Variants in TSC22D2 observed in about 807,000 individuals in gnomAD.
TSC22D2 encodes TSC22 domain family protein 2.
TSC22D2 carries 5 observed loss-of-function variants against 50.1 expected under a neutral mutation model. The ratio of observed to expected loss-of-function variants is 0.10; its 90% CI spans 0.05 to 0.21. The LOEUF is 0.21. Among genes scored for constraint, TSC22D2 ranks in the 10% least tolerant of loss-of-function variants. The probability of loss-of-function intolerance (pLI) is 1.00; values close to 1 mark genes in which losing one functional copy is unlikely to be tolerated. For missense variants in TSC22D2, 1,003 were observed against 1,015.5 expected (o/e 0.99, Z 0.17); for synonymous variants, 501 against 450.1 (o/e 1.11, Z -1.43).
chr3:150,409,302 A>G lies in TSC22D2; in HGVS notation c.-49A>G, dbSNP rs778061220. ...TGCTCTGCCCTCCCCGGTTTCCGACAGGACCCAGAGGAGCCGGCGTGCCTC... is the reference window on the plus strand; with the variant it reads ...TGCTCTGCCCTCCCCGGTTTCCGACGGGACCCAGAGGAGCCGGCGTGCCTC... On this transcript the variant is annotated 5_prime_UTR_variant, in exon 1 of 3. Transcript: ENST00000688009. This position sits in a 1 kb window ranked among gnomAD's most constrained non-coding sequence, Gnocchi z 7.4. 4 of 1,531,516 alleles carry G rather than the reference A, an allele frequency of 2.6e-6. No individual in the cohort carries two copies. The Admixed American group carries it at 6.0e-5, about 23-fold the overall frequency. The allele number at this position is 1,531,516 out of a possible 1,614,324, so 94.9% of individuals were successfully genotyped here.
chr3:150,438,102 T>C (rs1239041745), intron 1 of TSC22D2: 4 of 246,762 alleles, frequency 1.6e-5, no homozygotes, highest in Non-Finnish European at 2.6e-5. Context: ...GTACAAAATA[T>C]CAGTTGTATA....
At chr3:150,413,547 G>A (rs1419411183) in intron 1 of TSC22D2, among the ~76,000 whole-genome samples, 2 of 144,538 alleles carry the variant, frequency 1.4e-5, no homozygotes, top group Non-Finnish European at 3.0e-5. Flanking sequence ...AAATAGTTGG[G>A]TTTTTTGTTT....
At position 150,411,036 on chromosome 3, in the gene TSC22D2, G is replaced by A. The variant is rs765142580; in HGVS notation, c.1686G>A (p.Ala562=). 6 of 1,614,006 alleles carry A rather than the reference G, an allele frequency of 3.7e-6. No homozygotes were observed. Among genetic ancestry groups the A allele is most frequent in the African/African-American group, 1.3e-5 (1 of 74,904 alleles). The part of the protein sequence containing the change: ...SIIQHVGLPL[A]PGTHSAPTSL... ...TCCAGCATGTTGGGCTGCCCTTAGC[G>A]CCAGGCACACACAGCGCACCAACAA... The change falls in exon 1 of 3, where the codon GCG becomes GCA. Residue 562 remains alanine, a synonymous_variant. Transcript: ENST00000688009.
chr3:150,423,100 A>G, intron 1 of TSC22D2: 1 of 1,612,842 alleles, frequency 6.2e-7, no homozygotes, highest in Non-Finnish European at 8.5e-7. Flanking sequence ...CGTTAAAGGA[A>G]TCAAAGAGCC....
intron 1 of TSC22D2, among the ~76,000 whole-genome samples, chr3:150,443,542 A>T (rs61485586): frequency 0.024 from 3,726 of 152,314 alleles, 159 homozygotes; most frequent in African/African-American, 0.084. Flanking sequence ...GGAAACCTTT[A>T]TATGTGACCT....
At chr3:150,414,598 A>G (rs543603638) in intron 1 of TSC22D2, among the ~76,000 whole-genome samples, 1 of 152,202 alleles carries the variant, frequency 6.6e-6, no homozygotes, top group Non-Finnish European at 1.5e-5. Context: ...TAATGGTTTT[A>G]TTTGTGTGGT....
Position 150,409,007 on chromosome 3 carries a change from C to T in TSC22D2, c.-344C>T, listed in dbSNP as rs1369097838. On this transcript the variant is annotated 5_prime_UTR_variant, in exon 1 of 3. In the 5' UTR this introduces an upstream ATG that the reference lacks. Transcript: ENST00000688009. This position sits in a 1 kb window ranked among gnomAD's most constrained non-coding sequence, Gnocchi z 7.4. ...TGGACTGACCACGGCTGCCCGGAGA[C>T]GAGAGAGGAAGCAGCCGGCCCGCCC... is the stretch of plus-strand genomic sequence containing the variant. 9.3e-5 allele frequency: 20 copies of T among 214,270 alleles called. No individual in the cohort carries two copies. The East Asian group carries it at 2.0e-3, about 21-fold the overall frequency. The allele number at this position is 214,270 out of a possible 1,614,324, so 13.3% of individuals were successfully genotyped here.
At chr3:150,452,949 T>A (rs1193957685) in intron 1 of TSC22D2, among the ~76,000 whole-genome samples, 2 of 152,228 alleles carry the variant, frequency 1.3e-5, no homozygotes, top group Non-Finnish European at 2.9e-5. Flanking sequence ...TTTGACTTTA[T>A]TTAGCATTTC....
chr3:150,410,174 A>T lies in TSC22D2; in HGVS notation c.824A>T (p.Gln275Leu), dbSNP rs1459543422. Residue 275 changes from glutamine to leucine, a missense_variant, in exon 1 of 3, where the codon CAG (glutamine) becomes CTG (leucine). Coordinates refer to ENST00000688009, the MANE Select transcript of TSC22D2 (RefSeq NM_001303264.2). ...CAGAGTTTTAGCGTTGGGCAGCCAC[A>T]GCCGCCGCCGCCACCCGTAGGTGGG... ...QPQSFSVGQP[Q>L]PPPPPVGGAV... is the part of the protein sequence containing the mutation. 1 of 1,608,474 alleles carries T rather than the reference A, an allele frequency of 6.2e-7. No individual in the cohort carries two copies. Among genetic ancestry groups the T allele is most frequent in the South Asian group, 1.1e-5 (1 of 90,808 alleles).
rs1024005031 is a variant in TSC22D2 at position 150,465,600 on chromosome 3, G to A, written c.*6964G>A. 3.3e-5 allele frequency: 5 copies of A among 152,134 alleles called. No homozygotes were observed. Among genetic ancestry groups the A allele is most frequent in the Non-Finnish European group, 7.4e-5 (5 of 68,016 alleles). The allele number at this position is 152,134 out of a possible 1,614,324, so 9.4% of individuals were successfully genotyped here. A position where few individuals can be genotyped will look rare whatever the true frequency, so the allele number is the denominator to read the frequency against. ...TTCACAAGATAGCCTGTACAATGATGTCAATTGCACCTTTGCTTGTACAGT... is the reference window on the plus strand; with the variant it reads ...TTCACAAGATAGCCTGTACAATGATATCAATTGCACCTTTGCTTGTACAGT... On this transcript the variant is annotated 3_prime_UTR_variant, in exon 3 of 3. Transcript: ENST00000688009.
chr3:150,430,340 A>G (rs528282256), intron 1 of TSC22D2, among the ~76,000 whole-genome samples: 1 of 152,230 alleles, frequency 6.6e-6, no homozygotes, highest in African/African-American at 2.4e-5. Flanking sequence ...TGAAGACAGG[A>G]GAGGAGAGCA....
At chr3:150,450,124 C>T (rs538307052) in intron 1 of TSC22D2, among the ~76,000 whole-genome samples, 14 of 152,164 alleles carry the variant, frequency 9.2e-5, no homozygotes, top group African/African-American at 3.4e-4. Context: ...AGATGGACTT[C>T]ATATAGATTG....
At chr3:150,412,443 G>A (rs1719626169) in intron 1 of TSC22D2, among the ~76,000 whole-genome samples, 1 of 152,130 alleles carries the variant, frequency 6.6e-6, no homozygotes, top group South Asian at 2.1e-4. Flanking sequence ...GTATGTTAAA[G>A]CTTTCTCTTC....
At chr3:150,435,123 G>A (rs1412013669) in intron 1 of TSC22D2, among the ~76,000 whole-genome samples, 2 of 151,816 alleles carry the variant, frequency 1.3e-5, no homozygotes, top group South Asian at 4.2e-4. Flanking sequence ...GATTACGGGC[G>A]CCCACCACCA....
intron 1 of TSC22D2, among the ~76,000 whole-genome samples, chr3:150,419,477 T>C (rs896597649): frequency 1.3e-5 from 2 of 152,108 alleles, no homozygotes; most frequent in African/African-American, 4.8e-5. Flanking sequence ...GTTCTTCATA[T>C]TGTATGTCCC....
chr3:150,434,383 C>A (rs73165716), intron 1 of TSC22D2, among the ~76,000 whole-genome samples: 24,885 of 151,996 alleles, frequency 0.16, 2,216 homozygotes, highest in Non-Finnish European at 0.2. Flanking sequence ...TTCAAGTGAT[C>A]CACCCTGCCC....
chr3:150,454,756 A>C (rs1156466048), intron 1 of TSC22D2, among the ~76,000 whole-genome samples: 1 of 152,230 alleles, frequency 6.6e-6, no homozygotes, highest in African/African-American at 2.4e-5. Context: ...ATTCTATTAG[A>C]GTACAACACC....
At chr3:150,436,083 C>T (rs1227298575) in intron 1 of TSC22D2, among the ~76,000 whole-genome samples, 1 of 152,100 alleles carries the variant, frequency 6.6e-6, no homozygotes, top group Admixed American at 6.5e-5. Flanking sequence ...ATGACTTAAA[C>T]TCTTGAAATA....
At chr3:150,418,552 C>G (rs1248858156) in intron 1 of TSC22D2, among the ~76,000 whole-genome samples, 1 of 151,816 alleles carries the variant, frequency 6.6e-6, no homozygotes, top group Admixed American at 6.6e-5. Flanking sequence ...TCTTTTGAGG[C>G]TAACTCTTGA....
Sources: gnomAD v4.1 joint callset for allele counts (sites outside exome capture counted in the v4.1 genomes callset) on GRCh38, gnomAD v4.1.1 for gene constraint, Gnocchi (gnomAD v3.1) non-coding constraint, MANE v1.5 for transcripts, NCBI Gene and HGNC (gene_info 2026-07-23, HGNC 2026-07-21) for gene names.